Variants in SH3GL2 observed in about 807,000 individuals in gnomAD.
The protein encoded by SH3GL2 is SH3 domain containing GRB2 like 2, endophilin A1, also known as endophilin-A1.
A neutral mutation model predicts 46.0 loss-of-function variants in SH3GL2; 24 were observed. The ratio of observed to expected loss-of-function variants is 0.52; its 90% CI spans 0.38 to 0.73. The LOEUF (loss-of-function observed/expected upper bound fraction) is 0.73, where lower values mean the gene tolerates loss of function less well. Ranked by LOEUF, SH3GL2 falls within the 30% of genes least tolerant of loss-of-function variation. SH3GL2 has a pLI of 0.00. For synonymous variants in SH3GL2, 196 were observed against 147.1 expected (o/e 1.33, Z -2.40); for missense variants, 413 against 424.2 (o/e 0.97, Z 0.23).
intron 1 of SH3GL2, among the ~76,000 whole-genome samples, chr9:17,580,414 C>A (rs1818256011): frequency 6.6e-6 from 1 of 152,074 alleles, no homozygotes; most frequent in Non-Finnish European, 1.5e-5. Context: ...TTTTACAGAA[C>A]CTTGGTTAAC....
intron 1 of SH3GL2, among the ~76,000 whole-genome samples, chr9:17,648,584 T>G (rs1292653901): frequency 6.6e-6 from 1 of 152,182 alleles, no homozygotes; most frequent in Non-Finnish European, 1.5e-5. Flanking sequence ...CCTTTGAATA[T>G]TTTCTTGTTG....
chr9:17,604,384 G>A (rs1818726244), intron 1 of SH3GL2, among the ~76,000 whole-genome samples: 1 of 152,194 alleles, frequency 6.6e-6, no homozygotes, highest in African/African-American at 2.4e-5. Context: ...GGGATTAACT[G>A]AGTGAATGCA....
chr9:17,781,720 C>T (rs1013031516), intron 3 of SH3GL2, among the ~76,000 whole-genome samples: 6 of 152,090 alleles, frequency 3.9e-5, no homozygotes, highest in Non-Finnish European at 5.9e-5. Flanking sequence ...AACACTTGAT[C>T]TATCTCTGTT....
intron 1 of SH3GL2, among the ~76,000 whole-genome samples, chr9:17,606,494 A>G (rs1020530663): frequency 6.6e-6 from 1 of 152,146 alleles, no homozygotes; most frequent in Non-Finnish European, 1.5e-5. Context: ...TTTGACTAGT[A>G]TCTCCCTTCC....
intron 1 of SH3GL2, among the ~76,000 whole-genome samples, chr9:17,579,763 C>T (rs13292977): frequency 0.19 from 29,275 of 152,082 alleles, 3,732 homozygotes; most frequent in Middle Eastern, 0.3. Flanking sequence ...GTTTGCGCTC[C>T]TCTCCCTTAC....
At chr9:17,667,070 T>C (rs1040834772) in intron 1 of SH3GL2, among the ~76,000 whole-genome samples, 3 of 152,184 alleles carry the variant, frequency 2.0e-5, no homozygotes, top group African/African-American at 7.2e-5. Flanking sequence ...TGTCTGTGTC[T>C]TTTGGCTGTT....
chr9:17,624,458 C>T (rs1395171191), intron 1 of SH3GL2, among the ~76,000 whole-genome samples: 2 of 152,214 alleles, frequency 1.3e-5, no homozygotes, highest in Non-Finnish European at 2.9e-5. Context: ...TTTTCCATCT[C>T]CATGCTCTTT....
At chr9:17,595,605 TGTA>T (rs1353712996) in intron 1 of SH3GL2, among the ~76,000 whole-genome samples, 27 of 152,358 alleles carry the variant, frequency 1.8e-4, no homozygotes, top group Admixed American at 5.2e-4. Context: ...GATTGTTCAC[TGTA>T]GTAGTTATTG....
chr9:17,778,770 G>A (rs945956430), intron 3 of SH3GL2, among the ~76,000 whole-genome samples: 1 of 152,110 alleles, frequency 6.6e-6, no homozygotes, highest in East Asian at 1.9e-4. Flanking sequence ...TGTTTTGAAT[G>A]TAGAGCTGAC....
intron 1 of SH3GL2, among the ~76,000 whole-genome samples, chr9:17,614,900 C>A (rs568533259): frequency 6.6e-6 from 1 of 152,178 alleles, no homozygotes; most frequent in African/African-American, 2.4e-5. Flanking sequence ...TTCACAGACT[C>A]AAGTTTCCCC....
rs1823173643 is a variant in SH3GL2 at position 17,761,514 on chromosome 9, G to C, written c.187+5G>C. On this transcript the variant is annotated splice_donor_5th_base_variant and intron_variant, in intron 3 of 8. Transcript: ENST00000380607. ...AATACCTTCAACCCAATCCAGGTAA[G>C]GCATCATCTTATATGTTTAAAGGAT... The C allele has an allele frequency of 1.3e-6, 2 of 1,536,722 alleles. No homozygotes were observed. The highest frequency in any genetic ancestry group is 1.7e-4 in the Middle Eastern group (1 of 5,926).
intron 1 of SH3GL2, among the ~76,000 whole-genome samples, chr9:17,617,688 C>T (rs1819036100): frequency 6.6e-6 from 1 of 152,120 alleles, no homozygotes; most frequent in South Asian, 2.1e-4. Flanking sequence ...CTCACCAATT[C>T]CATAGATACT....
intron 1 of SH3GL2, among the ~76,000 whole-genome samples, chr9:17,586,305 C>G (rs1317242165): frequency 6.6e-6 from 1 of 152,102 alleles, no homozygotes; most frequent in African/African-American, 2.4e-5. Flanking sequence ...ACCCACAGCT[C>G]CATGGAGGTT....
chr9:17,628,980 CT>C (rs5896753), intron 1 of SH3GL2, among the ~76,000 whole-genome samples: 27,077 of 145,502 alleles, frequency 0.19, 2,597 homozygotes, highest in African/African-American at 0.29. Context: ...ATTAAATTAC[CT>C]TTTTTTTTTT....
chr9:17,668,877 C>T, intron 1 of SH3GL2, among the ~76,000 whole-genome samples: 1 of 152,104 alleles, frequency 6.6e-6, no homozygotes, highest in African/African-American at 2.4e-5. Flanking sequence ...AGGCTGGTCT[C>T]AAACTCCTGG....
intron 7 of SH3GL2, 59 bp from the exon 8 acceptor site, chr9:17,793,308 T>C (rs1824187139): frequency 8.1e-6 from 12 of 1,486,206 alleles, no homozygotes; most frequent in African/African-American, 1.4e-5. Context: ...TATATTTGCT[T>C]TTCATTTTAC....
intron 3 of SH3GL2, among the ~76,000 whole-genome samples, chr9:17,777,318 G>A (rs2131173415): frequency 6.6e-6 from 1 of 151,890 alleles, no homozygotes; most frequent in East Asian, 1.9e-4. Flanking sequence ...AGAAATCCAT[G>A]TGAAATGAAA....
chr9:17,786,159 C>A (rs532659815), intron 3 of SH3GL2, among the ~76,000 whole-genome samples: 6 of 152,174 alleles, frequency 3.9e-5, no homozygotes, highest in African/African-American at 1.4e-4. Flanking sequence ...AACAGAATTG[C>A]TGTAATTCAT....
chr9:17,628,821 A>G (rs914918938), intron 1 of SH3GL2, among the ~76,000 whole-genome samples: 1 of 152,152 alleles, frequency 6.6e-6, no homozygotes, highest in Non-Finnish European at 1.5e-5. Flanking sequence ...AAGACTTTGC[A>G]TAGGTTGCCA....
Sources: allele counts gnomAD v4.1 joint callset (sites outside exome capture counted in the v4.1 genomes callset), GRCh38; gene constraint gnomAD v4.1.1; transcripts MANE v1.5; gene names NCBI Gene and HGNC (gene_info 2026-07-23, HGNC 2026-07-21).